The following PCDHGA9 variants were observed in gnomAD, a reference collection of about 807,000 sequenced individuals.
The protein encoded by PCDHGA9 is protocadherin gamma subfamily A, 9.
A neutral mutation model predicts 62.5 loss-of-function variants in PCDHGA9; 37 were observed. The ratio of observed to expected loss-of-function variants is 0.59; its 90% confidence interval spans 0.46 to 0.78. PCDHGA9 has a LOEUF of 0.78. Ranked by LOEUF, PCDHGA9 falls within the 30% of genes least tolerant of loss-of-function variation. The pLI, the probability that PCDHGA9 is intolerant of heterozygous loss-of-function variation, is 0.00. For synonymous variants in PCDHGA9, 459 were observed against 484.6 expected, an observed-to-expected ratio of 0.95 and a Z score of 0.69; for missense variants, 1,138 against 1,166.2, an observed-to-expected ratio of 0.98 and a Z score of 0.35.
chr5:141,432,335 C>T lies in PCDHGA9; in HGVS notation c.2424+26959C>T, dbSNP rs146691720. On this transcript the variant is annotated intron_variant, in intron 1 of 3. Coordinates refer to ENST00000573521, the MANE Select transcript of PCDHGA9 (RefSeq NM_018921.3). This position sits in a 1 kb window ranked among gnomAD's most constrained non-coding sequence, Gnocchi z 6.0. ...GAGCTCCTTCGACTACGAGCAGTTC[C>T]GAGACTTGCAAGTGAAAGTGATGGC... 2.6e-5 allele frequency: 42 copies of T among 1,614,126 alleles called. No individual in the cohort carries two copies. Among genetic ancestry groups the T allele is most frequent in the African/African-American group, 1.2e-4 (9 of 74,940 alleles).
chr5:141,494,929 GGA>G, intron 2 of PCDHGA9, 64 bp downstream of exon 2: 1 of 1,613,142 alleles, frequency 6.2e-7, no homozygotes, highest in Non-Finnish European at 8.5e-7. Flanking sequence ...TGACGTGGGA[GGA>G]GATGGGGGAG....
chr5:141,451,874 C>T (rs1264178631), intron 1 of PCDHGA9, among the ~76,000 whole-genome samples: 1 of 151,956 alleles, frequency 6.6e-6, no homozygotes, highest in Non-Finnish European at 1.5e-5. Context: ...GAATGAAACC[C>T]TGTCAAGAAA....
intron 1 of PCDHGA9, chr5:141,409,668 A>G: frequency 6.2e-7 from 1 of 1,613,398 alleles, no homozygotes; most frequent in Non-Finnish European, 8.5e-7. Context: ...CACATCTCCT[A>G]CTCTATAGTG....
intron 1 of PCDHGA9, among the ~76,000 whole-genome samples, chr5:141,459,376 G>A (rs72790056): frequency 0.022 from 3,347 of 152,266 alleles, 53 homozygotes; most frequent in South Asian, 0.04. Flanking sequence ...TATCAGCAGC[G>A]TGTTCCATTT....
chr5:141,405,638 CT>C lies in PCDHGA9; in HGVS notation c.2424+263del. ...TACAGGCACGTGCCACCACGCCCGG[CT>C]AATTTTTTGTGTGTTTTTAGTAGAG... is the stretch of plus-strand genomic sequence containing the variant. On this transcript the variant is annotated intron_variant, in intron 1 of 3. Coordinates refer to ENST00000573521, the MANE Select transcript of PCDHGA9 (RefSeq NM_018921.3). 3 of 528,680 alleles carry C rather than the reference CT, an allele frequency of 5.7e-6. No individual in the cohort carries two copies. The East Asian group carries it at 9.4e-5, about 17-fold the overall frequency. 32.7% of individuals were successfully genotyped at this position (528,680 alleles called of 1,614,324 possible).
intron 2 of PCDHGA9, among the ~76,000 whole-genome samples, chr5:141,502,239 A>G (rs2099813426): frequency 6.6e-6 from 1 of 152,148 alleles, no homozygotes; most frequent in Admixed American, 6.5e-5. Flanking sequence ...GTGTTCTTTT[A>G]TCCTTTTTTT....
chr5:141,409,196 A>G (rs1197077093), intron 1 of PCDHGA9: 2 of 1,613,926 alleles, frequency 1.2e-6, no homozygotes, highest in Non-Finnish European at 1.7e-6. Flanking sequence ...TACCCAGTGT[A>G]AAGTAATCAT....
At chr5:141,418,392 T>C (rs753094664) in intron 1 of PCDHGA9, 1 of 1,613,996 alleles carries the variant, frequency 6.2e-7, no homozygotes, top group Non-Finnish European at 8.5e-7. Context: ...AACGAGTATT[T>C]CTCATTGGTG....
intron 1 of PCDHGA9, chr5:141,424,789 A>T (rs538504226): frequency 2.0e-5 from 3 of 152,238 alleles, no homozygotes; most frequent in African/African-American, 7.2e-5. Flanking sequence ...CAGTTCTTTT[A>T]TTCAGACCAA....
chr5:141,423,562 A>C (rs374427537), intron 1 of PCDHGA9: 1 of 1,613,612 alleles, frequency 6.2e-7, no homozygotes, highest in African/African-American at 1.3e-5. Context: ...CTATGGGGAC[A>C]CGCTCATCAG....
At chr5:141,450,790 A>G (rs2098694056) in intron 1 of PCDHGA9, among the ~76,000 whole-genome samples, 1 of 148,832 alleles carries the variant, frequency 6.7e-6, no homozygotes, top group Admixed American at 6.7e-5. Context: ...CCCGGACCTC[A>G]TGATTGTATT....
intron 1 of PCDHGA9, among the ~76,000 whole-genome samples, chr5:141,437,339 T>A (rs1008090968): frequency 3.3e-5 from 5 of 152,262 alleles, no homozygotes; most frequent in Non-Finnish European, 7.3e-5. Context: ...GTAGCTTCAC[T>A]GTTTTATAGT....
Position 141,476,021 on chromosome 5 carries a change from C to T in PCDHGA9, c.2425-18786C>T. The T allele has an allele frequency of 7.1e-7, 1 of 1,400,498 alleles. No individual in the cohort carries two copies. The highest frequency in any genetic ancestry group is 1.4e-5 in the South Asian group (1 of 71,458). 86.8% of individuals were successfully genotyped at this position (1,400,498 alleles called of 1,614,324 possible). A position where few individuals can be genotyped will look rare whatever the true frequency, so the allele number is the denominator to read the frequency against. ...GGCATCCAGAAAGCCATGTCGGACT[C>T]GGCGCCCAGCGCCCAAGCGCTAACC... On this transcript the variant is annotated intron_variant, in intron 1 of 3. Coordinates refer to ENST00000573521, the MANE Select transcript of PCDHGA9 (RefSeq NM_018921.3). This position sits in a 1 kb window ranked among gnomAD's most constrained non-coding sequence, Gnocchi z 7.6.
At chr5:141,467,055 C>CTTTTTTTTTTT (rs1193465269) in intron 1 of PCDHGA9, among the ~76,000 whole-genome samples, 1 of 134,498 alleles carries the variant, frequency 7.4e-6, no homozygotes, top group Non-Finnish European at 1.6e-5. Context: ...TCAATGTTTT[C>CTTTTTTTTTTT]TTTTTTTTTT....
At chr5:141,464,228 G>A (rs1196103285) in intron 1 of PCDHGA9, among the ~76,000 whole-genome samples, 1 of 148,156 alleles carries the variant, frequency 6.7e-6, no homozygotes, top group African/African-American at 2.5e-5. Context: ...TTGCGCCACT[G>A]CACTCCAGCC....
chr5:141,453,669 G>T (rs1390396079), intron 1 of PCDHGA9, among the ~76,000 whole-genome samples: 1 of 152,034 alleles, frequency 6.6e-6, no homozygotes, highest in Non-Finnish European at 1.5e-5. Context: ...TTACACAAAA[G>T]GTAACACACT....
At chr5:141,422,187 T>A in intron 1 of PCDHGA9, 1 of 1,561,762 alleles carries the variant, frequency 6.4e-7, no homozygotes, top group South Asian at 1.2e-5. Context: ...AGATGGAAAT[T>A]CAAGGCCAAG....
Position 141,404,006 on chromosome 5 carries a change from C to A in PCDHGA9, c.1054C>A (p.Leu352Met). ...TAGACCTGAAGTGACCATTACATCT[C>A]TGTTTAGCCCAGTGAGAGAAGACGC... Reference protein sequence around the residue: ...DNRPEVTITSLFSPVREDAPQ... With the variant: ...DNRPEVTITSMFSPVREDAPQ... Residue 352 changes from leucine to methionine, a missense_variant, in exon 1 of 4, where the codon CTG (leucine) becomes ATG (methionine). Transcript: ENST00000573521. 6.2e-7 allele frequency: 1 copy of A among 1,613,804 alleles called. No individual in the cohort carries two copies. Among genetic ancestry groups the A allele is most frequent in the Non-Finnish European group, 8.5e-7 (1 of 1,179,806 alleles).
intron 1 of PCDHGA9, among the ~76,000 whole-genome samples, chr5:141,456,935 C>T (rs894385178): frequency 5.9e-5 from 9 of 152,178 alleles, no homozygotes; most frequent in African/African-American, 2.2e-4. Context: ...TGCACTCCAG[C>T]CTGGGCAACA....
Sources: gnomAD v4.1 joint callset for allele counts (sites outside exome capture counted in the v4.1 genomes callset) on GRCh38, gnomAD v4.1.1 for gene constraint, Gnocchi (gnomAD v3.1) non-coding constraint, MANE v1.5 for transcripts, NCBI Gene and HGNC (gene_info 2026-07-23, HGNC 2026-07-21) for gene names.